Variants in XKR4 observed in about 807,000 individuals in gnomAD.
The protein encoded by XKR4 is XK related 4, also known as XK-related protein 4.
A neutral mutation model predicts 53.9 loss-of-function variants in XKR4; 12 were observed. The ratio of observed to expected loss-of-function variants is 0.22; its 90% CI spans 0.14 to 0.36. The LOEUF (loss-of-function observed/expected upper bound fraction) is 0.36, where lower values mean the gene tolerates loss of function less well. Ranked by LOEUF, XKR4 falls within the 10% of genes least tolerant of loss-of-function variation. The pLI is 1.00. For synonymous variants in XKR4, 354 were observed against 362.4 expected (o/e 0.98, Z 0.26); for missense variants, 799 against 859.5 (o/e 0.93, Z 0.88).
At chr8:55,143,795 T>C (rs1816736181) in intron 1 of XKR4, among the ~76,000 whole-genome samples, 1 of 152,204 alleles carries the variant, frequency 6.6e-6, no homozygotes, top group African/African-American at 2.4e-5. Flanking sequence ...TGGGTTCTTC[T>C]GCGGGCATGT....
intron 1 of XKR4, among the ~76,000 whole-genome samples, chr8:55,180,699 T>G (rs1817298803): frequency 6.6e-6 from 1 of 152,032 alleles, no homozygotes; most frequent in African/African-American, 2.4e-5. Context: ...ACTTGGCTAA[T>G]TTTTTGTATT....
chr8:55,247,284 G>A (rs1563492354), intron 1 of XKR4, among the ~76,000 whole-genome samples: 1 of 152,122 alleles, frequency 6.6e-6, no homozygotes, highest in African/African-American at 2.4e-5. Context: ...CTAGGAGAAG[G>A]CCCCTTTTTC....
intron 1 of XKR4, among the ~76,000 whole-genome samples, chr8:55,216,173 C>T (rs1817794715): frequency 6.6e-6 from 1 of 152,140 alleles, no homozygotes; most frequent in Non-Finnish European, 1.5e-5. Context: ...TATCAATTCT[C>T]TACAAATTGA....
intron 1 of XKR4, among the ~76,000 whole-genome samples, chr8:55,196,443 A>G (rs780177399): frequency 6.6e-6 from 1 of 152,172 alleles, no homozygotes; most frequent in Non-Finnish European, 1.5e-5. Flanking sequence ...TCAGCCTCCC[A>G]AAGTGCTGGG....
At chr8:55,486,885 T>C (rs1376853589) in intron 2 of XKR4, among the ~76,000 whole-genome samples, 2 of 152,220 alleles carry the variant, frequency 1.3e-5, no homozygotes, top group African/African-American at 4.8e-5. Context: ...ATCTCTTTTA[T>C]TGTGTTGTAA....
At chr8:55,343,003 A>G (rs1372311979) in intron 1 of XKR4, among the ~76,000 whole-genome samples, 1 of 152,160 alleles carries the variant, frequency 6.6e-6, no homozygotes, top group African/African-American at 2.4e-5. Context: ...GTCAAAGGAG[A>G]CTTTCCTTTT....
chr8:55,429,323 T>C (rs1239169648), intron 2 of XKR4, among the ~76,000 whole-genome samples: 2 of 152,094 alleles, frequency 1.3e-5, no homozygotes. Context: ...TACAAAACCT[T>C]TAGAAGATAA....
intron 2 of XKR4, among the ~76,000 whole-genome samples, chr8:55,462,715 G>A (rs1490171092): frequency 3.3e-5 from 5 of 152,164 alleles, no homozygotes; most frequent in African/African-American, 7.2e-5. Context: ...TCGGTGTGCT[G>A]TATTCAGGAA....
chr8:55,462,816 G>T (rs1322867541), intron 2 of XKR4, among the ~76,000 whole-genome samples: 4 of 152,088 alleles, frequency 2.6e-5, no homozygotes, highest in Admixed American at 2.6e-4. Flanking sequence ...AAAGGCAGGG[G>T]TTGCAATCCT....
intron 2 of XKR4, among the ~76,000 whole-genome samples, chr8:55,409,748 T>C (rs1459530391): frequency 6.6e-6 from 1 of 152,006 alleles, no homozygotes; most frequent in African/African-American, 2.4e-5. Flanking sequence ...ACACTGAAAA[T>C]AAAAATCTAT....
intron 1 of XKR4, among the ~76,000 whole-genome samples, chr8:55,143,281 G>C (rs902051983): frequency 6.6e-6 from 1 of 152,218 alleles, no homozygotes; most frequent in African/African-American, 2.4e-5. Flanking sequence ...ATACTTGGGA[G>C]TGGAACTGCT....
At chr8:55,362,658 C>A (rs1359211500) in intron 2 of XKR4, among the ~76,000 whole-genome samples, 1 of 152,228 alleles carries the variant, frequency 6.6e-6, no homozygotes, top group Non-Finnish European at 1.5e-5. Context: ...GTTACCCCAT[C>A]TGGACTTTTC....
At chr8:55,475,917 T>A (rs1805977381) in intron 2 of XKR4, among the ~76,000 whole-genome samples, 1 of 151,912 alleles carries the variant, frequency 6.6e-6, no homozygotes, top group Non-Finnish European at 1.5e-5. Flanking sequence ...TCACTATTTT[T>A]CTAATTTTCT....
intron 2 of XKR4, among the ~76,000 whole-genome samples, chr8:55,476,930 G>C (rs1280268752): frequency 6.6e-6 from 1 of 152,132 alleles, no homozygotes; most frequent in East Asian, 1.9e-4. Flanking sequence ...ACAGCTCAAG[G>C]AGGCCTGCCT....
At chr8:55,449,901 G>A in intron 2 of XKR4, 2 of 883,980 alleles carry the variant, frequency 2.3e-6, no homozygotes, top group Non-Finnish European at 3.8e-6. Flanking sequence ...CAGCCTGGCG[G>A]GAGCCAGATG....
chr8:55,275,587 G>A lies in XKR4; in HGVS notation c.807-82091G>A, dbSNP rs73682939. Among the ~76,000 whole-genome samples the A allele has an allele frequency of 2.9e-3, 438 of 152,264 alleles. 2 individuals carry two copies. Among genetic ancestry groups the A allele is most frequent in the African/African-American group, 9.9e-3 (411 of 41,580 alleles). On this transcript the variant is annotated intron_variant, in intron 1 of 2. Transcript: ENST00000327381. ...TTTCTTCATAACTGGATCATCCTAA[G>A]AATAAATACATCCCCCATTGCAGAA...
chr8:55,432,562 T>C (rs925419094), intron 2 of XKR4, among the ~76,000 whole-genome samples: 1 of 152,128 alleles, frequency 6.6e-6, no homozygotes, highest in Non-Finnish European at 1.5e-5. Flanking sequence ...ATCTTTACCA[T>C]AGGTGAGTGG....
chr8:55,120,523 G>C (rs931618628), intron 1 of XKR4, among the ~76,000 whole-genome samples: 5 of 151,406 alleles, frequency 3.3e-5, no homozygotes, highest in African/African-American at 1.2e-4. Flanking sequence ...TAAGAAAATG[G>C]TACTTTTGAG....
At chr8:55,392,830 T>C (rs1351860614) in intron 2 of XKR4, among the ~76,000 whole-genome samples, 1 of 152,068 alleles carries the variant, frequency 6.6e-6, no homozygotes, top group Non-Finnish European at 1.5e-5. Flanking sequence ...CAAGGAAAAG[T>C]TCAAAAGAGG....
Sources: gnomAD v4.1 joint callset for allele counts (sites outside exome capture counted in the v4.1 genomes callset) on GRCh38, gnomAD v4.1.1 for gene constraint, MANE v1.5 for transcripts, NCBI Gene and HGNC (gene_info 2026-07-23, HGNC 2026-07-21) for gene names.